The following NDC1 variants were observed in gnomAD, a reference collection of about 807,000 sequenced individuals.
NDC1 encodes the protein nucleoporin NDC1.
Under a neutral mutation model 89.8 loss-of-function variants are expected in NDC1, and 24 were observed. That is an observed-to-expected ratio of 0.27 (90% CI 0.19 to 0.38). The LOEUF (loss-of-function observed/expected upper bound fraction) is 0.38, where lower values mean the gene tolerates loss of function less well. NDC1 is among the 10% of genes least tolerant of loss of function. The pLI, the probability that NDC1 is intolerant of heterozygous loss-of-function variation, is 1.00. For missense variants in NDC1, 728 were observed against 797.6 expected (o/e 0.91, Z 1.05); for synonymous variants, 296 against 284.8 (o/e 1.04, Z -0.39).
chr1:53,793,597 CTTTTT>C (rs1398947839), intron 13 of NDC1, among the ~76,000 whole-genome samples: 1 of 150,844 alleles, frequency 6.6e-6, no homozygotes, highest in African/African-American at 2.4e-5. Context: ...TTTCTTTTTT[CTTTTT>C]TATTTCAGAA....
intron 6 of NDC1, among the ~76,000 whole-genome samples, chr1:53,815,219 C>T (rs762749497): frequency 5.3e-5 from 8 of 152,114 alleles, no homozygotes; most frequent in African/African-American, 7.2e-5. Context: ...TACTAGCTAA[C>T]GGAATCCAAC....
Position 53,832,577 on chromosome 1 carries a change from G to T in NDC1, c.193C>A (p.Leu65Met). Residue 65 changes from leucine to methionine, a missense_variant, in exon 3 of 18, where the codon CTG (leucine) becomes ATG (methionine). Physicochemically the swap from Leu to Met is conservative, Grantham distance 15 (BLOSUM62 2). Transcript: ENST00000371429. ...IQWLSDSFSDLYSSYVIFYFL... is the reference protein window; with the variant it reads ...IQWLSDSFSDMYSSYVIFYFL... The stretch of plus-strand genomic sequence containing the variant: ...TAAAAGATTACATAGGAACTATACA[G>T]GTCACTGAAAGAATCTAAAACACAA... 1 of 1,568,376 alleles carries T rather than the reference G, an allele frequency of 6.4e-7. No homozygotes were observed. Among genetic ancestry groups the T allele is most frequent in the Non-Finnish European group, 8.8e-7 (1 of 1,139,704 alleles).
chr1:53,824,605 G>C (rs1419486136), intron 5 of NDC1, among the ~76,000 whole-genome samples: 1 of 152,172 alleles, frequency 6.6e-6, no homozygotes, highest in African/African-American at 2.4e-5. Flanking sequence ...AGGAGCAGCA[G>C]AAACAGGCTG....
At chr1:53,825,531 G>A (rs1357004287) in intron 5 of NDC1, among the ~76,000 whole-genome samples, 1 of 151,792 alleles carries the variant, frequency 6.6e-6, no homozygotes, top group Non-Finnish European at 1.5e-5. Context: ...GTCACAGCAA[G>A]TGCCACTACC....
chr1:53,813,409 T>G (rs1648375921), intron 6 of NDC1, among the ~76,000 whole-genome samples: 1 of 152,092 alleles, frequency 6.6e-6, no homozygotes, highest in Non-Finnish European at 1.5e-5. Context: ...AGGACCCACA[T>G]AAACTTAAAG....
At position 53,765,793 on chromosome 1, in the gene NDC1, CTCTT is replaced by C. The variant is rs1304711924; in HGVS notation, c.*2173_*2176del. ...CCGAGAAAGGCTTTTAAAGAACACT[CTCTT>C]TCAGGCCAATGTTACAGCATTAGTG... On this transcript the variant is annotated 3_prime_UTR_variant, in exon 18 of 18. Coordinates refer to ENST00000371429, the MANE Select transcript of NDC1 (RefSeq NM_018087.5). 6.6e-6 allele frequency: 1 copy of C among 152,198 alleles called. No individual in the cohort carries two copies. The highest frequency in any genetic ancestry group is 1.9e-4 in the East Asian group (1 of 5,202). 9.4% of individuals were successfully genotyped at this position (152,198 alleles called of 1,614,324 possible). A position where few individuals can be genotyped will look rare whatever the true frequency, so the allele number is the denominator to read the frequency against.
Position 53,767,876 on chromosome 1 carries a change from T to C in NDC1, c.*94A>G. 1.5e-6 allele frequency: 1 copy of C among 648,152 alleles called. No homozygotes were observed. Among genetic ancestry groups the C allele is most frequent in the Non-Finnish European group, 2.6e-6 (1 of 391,692 alleles). The allele number at this position is 648,152 out of a possible 1,614,324, so 40.2% of individuals were successfully genotyped here. A position where few individuals can be genotyped will look rare whatever the true frequency, so the allele number is the denominator to read the frequency against. On this transcript the variant is annotated 3_prime_UTR_variant, in exon 18 of 18. Coordinates refer to ENST00000371429, the MANE Select transcript of NDC1 (RefSeq NM_018087.5). ...CACCACGACAAAGGAAGCATCTAAT[T>C]AGTCCGTTTTCTTCTGATCCAAGAA...
chr1:53,815,011 G>C (rs182811400), intron 6 of NDC1, among the ~76,000 whole-genome samples: 6 of 152,224 alleles, frequency 3.9e-5, no homozygotes, highest in Admixed American at 3.3e-4. Flanking sequence ...ATTCACAGCA[G>C]AATTCTACCA....
Position 53,772,469 on chromosome 1 carries a change from C to T in NDC1, c.1821G>A (p.Lys607=). The change falls in exon 17 of 18, where the codon AAG becomes AAA. Residue 607 remains lysine (K), a synonymous_variant. Coordinates refer to ENST00000371429, the MANE Select transcript of NDC1 (RefSeq NM_018087.5). ...TLQEAVDKYF[K]LPHASSKPPR... ...GTGGTTTACTGGAAGCATGAGGAAG[C>T]TTAAAGTACTTGTCGACTGCCTACA... 6.2e-7 allele frequency: 1 copy of T among 1,612,930 alleles called. No homozygotes were observed. Among genetic ancestry groups the T allele is most frequent in the Non-Finnish European group, 8.5e-7 (1 of 1,179,286 alleles).
At chr1:53,780,540 G>C (rs1434231898) in intron 16 of NDC1, among the ~76,000 whole-genome samples, 1 of 152,106 alleles carries the variant, frequency 6.6e-6, no homozygotes, top group African/African-American at 2.4e-5. Flanking sequence ...AATAGTTACT[G>C]GAGGGATGGA....
intron 16 of NDC1, 58 bp from the exon 17 acceptor site, chr1:53,772,547 G>T: frequency 6.5e-7 from 1 of 1,544,336 alleles, no homozygotes; most frequent in Non-Finnish European, 8.9e-7. Context: ...ACCTAGGCCA[G>T]GTGCTGTGGC....
Position 53,797,068 on chromosome 1 carries a change from C to G in NDC1, c.1299G>C (p.Leu433=). ...PSVPPLVKTS[L]FSSKLSTPDV... is the part of the protein sequence containing the mutation. ...CAGGTGTAGATAATTTTGAAGAAAA[C>G]AGTGATGTTTTAACTAATGGTGGCA... is the stretch of plus-strand genomic sequence containing the variant. The change falls in exon 12 of 18, where the codon CTG becomes CTC. Residue 433 remains leucine, a synonymous_variant. Coordinates refer to ENST00000371429, the MANE Select transcript of NDC1 (RefSeq NM_018087.5). 1 of 1,613,994 alleles carries G rather than the reference C, an allele frequency of 6.2e-7. No individual in the cohort carries two copies. The highest frequency in any genetic ancestry group is 8.5e-7 in the Non-Finnish European group (1 of 1,179,990).
At chr1:53,825,427 C>A (rs111324333) in intron 5 of NDC1, among the ~76,000 whole-genome samples, 14,330 of 138,932 alleles carry the variant, frequency 0.1, 898 homozygotes, top group Middle Eastern at 0.14. Flanking sequence ...TGCACTCCAG[C>A]CTGGGCAAAG....
intron 3 of NDC1, among the ~76,000 whole-genome samples, chr1:53,829,246 G>A (rs963437220): frequency 2.6e-5 from 4 of 152,126 alleles, no homozygotes; most frequent in Non-Finnish European, 5.9e-5. Context: ...CAAGTTTCAG[G>A]TGCTTTATAC....
intron 9 of NDC1, among the ~76,000 whole-genome samples, chr1:53,804,351 T>C (rs552752652): frequency 2.2e-4 from 33 of 152,326 alleles, no homozygotes; most frequent in Admixed American, 1.8e-3. Context: ...ACTAACATCA[T>C]GTATTGTAAT....
At chr1:53,820,510 C>T (rs1360721341) in intron 5 of NDC1, among the ~76,000 whole-genome samples, 1 of 151,322 alleles carries the variant, frequency 6.6e-6, no homozygotes, top group African/African-American at 2.4e-5. Context: ...ACATTGTGCA[C>T]ATGTACCCTA....
intron 16 of NDC1, among the ~76,000 whole-genome samples, chr1:53,786,118 G>T (rs1268121119): frequency 6.6e-6 from 1 of 151,858 alleles, no homozygotes; most frequent in African/African-American, 2.4e-5. Flanking sequence ...TAGAGATAGG[G>T]TTTTACCATG....
chr1:53,820,425 T>C (rs546776855), intron 5 of NDC1, among the ~76,000 whole-genome samples: 1 of 152,034 alleles, frequency 6.6e-6, no homozygotes, highest in East Asian at 1.9e-4. Context: ...TTAGGAGATA[T>C]ACCTAATGTT....
At chr1:53,825,591 A>C (rs1209671822) in intron 5 of NDC1, among the ~76,000 whole-genome samples, 3 of 152,220 alleles carry the variant, frequency 2.0e-5, no homozygotes, top group African/African-American at 7.2e-5. Flanking sequence ...GATTGGCAAC[A>C]GGAAAAGGTA....
Sources: allele counts gnomAD v4.1 joint callset (sites outside exome capture counted in the v4.1 genomes callset), GRCh38; gene constraint gnomAD v4.1.1; transcripts MANE v1.5; gene names NCBI Gene and HGNC (gene_info 2026-07-23, HGNC 2026-07-21).